Variants in ZNF773 observed in about 807,000 individuals in gnomAD.
The protein encoded by ZNF773 is zinc finger protein 773, also known as zinc finger protein 419B.
A neutral mutation model predicts 12.8 loss-of-function variants in ZNF773; 11 were observed. The ratio of observed to expected loss-of-function variants is 0.86; its 90% confidence interval spans 0.54 to 1.42. ZNF773 has a LOEUF of 1.42. Among genes scored for constraint, ZNF773 ranks in the 40% most tolerant of loss-of-function variants. ZNF773 has a pLI of 0.00. For missense variants in ZNF773, 518 were observed against 527.2 expected, an observed-to-expected ratio of 0.98 and a Z score of 0.17; for synonymous variants, 175 against 178.4, an observed-to-expected ratio of 0.98 and a Z score of 0.15.
At chr19:57,505,111 T>A (rs4801491) in intron 2 of ZNF773, 191 bp from the exon 3 acceptor site, 124,830 of 721,990 alleles carry the variant, frequency 0.17, 3,135 homozygotes, top group African/African-American at 0.22. Context: ...GCCTGTCTCC[T>A]CTAGCCAACA....
downstream of ZNF773, chr19:57,516,518 A>G (rs1377125005): frequency 6.6e-6 from 1 of 152,236 alleles, no homozygotes; most frequent in Non-Finnish European, 1.5e-5. Context: ...AATGGTATCA[A>G]TTATACTGCA....
downstream of ZNF773, among the ~76,000 whole-genome samples, chr19:57,511,953 C>G (rs2089799402): frequency 6.6e-6 from 1 of 152,126 alleles, no homozygotes; most frequent in Admixed American, 6.6e-5. Context: ...AATGAAGAAG[C>G]TGCAAAACTA....
rs1272081136 is a variant in ZNF773, at chr19:57,506,503, G to C, written c.408G>C (p.Arg136Ser). 1 of 1,614,188 alleles carries C rather than the reference G, an allele frequency of 6.2e-7. No individual in the cohort carries two copies. Among genetic ancestry groups the C allele is most frequent in the South Asian group, 1.1e-5 (1 of 91,084 alleles). ...KRQEGRVPVL[R>S]SCRVHLSEKS... The stretch of plus-strand genomic sequence containing the variant: ...AAGAGGGCAGGGTCCCAGTTTTGAG[G>C]AGTTGCAGAGTCCACCTATCAGAGA... The change falls in exon 4 of 4, where the codon AGG becomes AGC. Residue 136 changes from arginine to serine, a missense_variant. Physicochemically the swap from Arg to Ser is moderately radical, Grantham distance 110. Transcript: ENST00000282292.
chr19:57,507,590 G>A lies in ZNF773; in HGVS notation c.*166G>A. The A allele has an allele frequency of 7.0e-7, 1 of 1,419,998 alleles. No individual in the cohort carries two copies. The highest frequency in any genetic ancestry group is 9.1e-7 in the Non-Finnish European group (1 of 1,094,672). 88.0% of individuals were successfully genotyped at this position (1,419,998 alleles called of 1,614,324 possible). The stretch of plus-strand genomic sequence containing the variant: ...GACAATGTAGTGAATATGGTAAAAG[G>A]CCTCAGCCAAAGGCCTAACCGTATT... On this transcript the variant is annotated 3_prime_UTR_variant, in exon 4 of 4. Transcript: ENST00000282292.
chr19:57,515,038 TATTCAA>T (rs2089823227), downstream of ZNF773: 2 of 152,226 alleles, frequency 1.3e-5, no homozygotes, highest in African/African-American at 2.4e-5. Flanking sequence ...TAGTGGCAGT[TATTCAA>T]GTTTTACAGC....
At chr19:57,514,858 A>G (rs1303232610), downstream of ZNF773, 1 of 152,180 alleles carries the variant, frequency 6.6e-6, no homozygotes, top group Admixed American at 6.5e-5. Context: ...AAATTTTGCA[A>G]TTTTATGAAG....
downstream of ZNF773, chr19:57,513,026 G>A (rs114607347): frequency 1.9e-3 from 2,920 of 1,565,106 alleles, 41 homozygotes; most frequent in African/African-American, 0.031. Context: ...ATTCAGTCCC[G>A]AACCGACAGC....
In ZNF773 at chr19:57,500,061, T is replaced by A. The variant is rs748664324; in HGVS notation, c.-20T>A. The A allele has an allele frequency of 3.5e-5, 56 of 1,589,364 alleles. No individual in the cohort carries two copies. Among genetic ancestry groups the A allele is most frequent in the Non-Finnish European group, 4.8e-5 (56 of 1,169,604 alleles). On this transcript the variant is annotated 5_prime_UTR_variant, in exon 1 of 4. Transcript: ENST00000282292. ...GCCCGGGCCCTTTCCTCGGTCGTTG[T>A]CTCACCGCCACAGGCTCCGATGGCG...
chr19:57,505,925 G>C (rs2089726720), intron 3 of ZNF773, among the ~76,000 whole-genome samples: 1 of 152,096 alleles, frequency 6.6e-6, no homozygotes, highest in Non-Finnish European at 1.5e-5. Flanking sequence ...TAGCCTGAAT[G>C]GTCTCGATCT....
At chr19:57,508,998 G>A (rs60741767), downstream of ZNF773, among the ~76,000 whole-genome samples, 2 of 151,770 alleles carry the variant, frequency 1.3e-5, no homozygotes, top group African/African-American at 4.8e-5. Flanking sequence ...TGAGGTCTTG[G>A]TATGTTACAT....
intron 1 of ZNF773, among the ~76,000 whole-genome samples, chr19:57,503,078 G>A (rs1184406810): frequency 6.6e-6 from 1 of 152,130 alleles, no homozygotes; most frequent in African/African-American, 2.4e-5. Flanking sequence ...AATTTTCAGT[G>A]GGAATAATTA....
At chr19:57,513,048 C>A (rs367568273), downstream of ZNF773, 9 of 1,561,786 alleles carry the variant, frequency 5.8e-6, no homozygotes, top group African/African-American at 1.3e-4. Flanking sequence ...ACAAGTGGCG[C>A]CCGAACAGGG....
intron 3 of ZNF773, among the ~76,000 whole-genome samples, chr19:57,505,712 GTTT>G (rs11312618): frequency 1.4e-4 from 15 of 110,850 alleles, no homozygotes; most frequent in East Asian, 5.4e-4. Context: ...CATTCCAGTT[GTTT>G]TTTTTTTTTT....
downstream of ZNF773, chr19:57,513,338 G>A (rs2089811748): frequency 3.4e-6 from 1 of 295,694 alleles, no homozygotes. Context: ...ATAACCCATG[G>A]TTTCCACAGA....
chr19:57,517,851 A>T (rs990986543), downstream of ZNF773: 5 of 152,230 alleles, frequency 3.3e-5, no homozygotes, highest in Non-Finnish European at 5.9e-5. Flanking sequence ...AGCCCTCTTT[A>T]AAAGCTTGGG....
chr19:57,516,015 T>A (rs1418808727), downstream of ZNF773: 1 of 153,038 alleles, frequency 6.5e-6, no homozygotes, highest in Non-Finnish European at 1.5e-5. Context: ...CCGGTAGACT[T>A]ACTGATATGG....
downstream of ZNF773, among the ~76,000 whole-genome samples, chr19:57,511,649 G>A (rs1368672203): frequency 6.6e-6 from 1 of 152,000 alleles, no homozygotes; most frequent in Non-Finnish European, 1.5e-5. Flanking sequence ...AAAAACATGT[G>A]TCCTAGAAAT....
At chr19:57,510,404 AAAAC>A (rs56989809), downstream of ZNF773, among the ~76,000 whole-genome samples, 41,637 of 151,948 alleles carry the variant, frequency 0.27, 6,222 homozygotes, top group Middle Eastern at 0.36. Context: ...ACATCTATGA[AAAAC>A]AAACAGCTAA....
downstream of ZNF773, chr19:57,514,586 C>G (rs2089820445): frequency 6.6e-6 from 1 of 152,230 alleles, no homozygotes; most frequent in Non-Finnish European, 1.5e-5. Context: ...TAGGCCAATT[C>G]ATACACAAAT....
Sources: gnomAD v4.1 joint callset for allele counts (sites outside exome capture counted in the v4.1 genomes callset) on GRCh38, gnomAD v4.1.1 for gene constraint, MANE v1.5 for transcripts, NCBI Gene and HGNC (gene_info 2026-07-23, HGNC 2026-07-21) for gene names.